RNF11: variants seen among roughly 807,000 people sequenced by gnomAD.
RNF11 encodes the protein ring finger protein 11.
A neutral mutation model predicts 15.8 loss-of-function variants in RNF11; 4 were observed. The ratio of observed to expected loss-of-function variants is 0.25; its 90% CI spans 0.12 to 0.58. The LOEUF (loss-of-function observed/expected upper bound fraction) is 0.58, where lower values mean the gene tolerates loss of function less well. Among genes scored for constraint, RNF11 ranks in the 20% least tolerant of loss-of-function variants. RNF11 has a pLI of 0.91. For missense variants in RNF11, 139 were observed against 194.4 expected, an observed-to-expected ratio of 0.71 and a Z score of 1.70; for synonymous variants, 68 against 72.3, an observed-to-expected ratio of 0.94 and a Z score of 0.30.
chr1:51,251,342 T>TCGGCCCCGGCCC, intron 1 of RNF11: 2 of 1,516,156 alleles, frequency 1.3e-6, no homozygotes, highest in South Asian at 1.2e-5. Context: ...CTCCGCGGCC[T>TCGGCCCCGGCCC]CGGCCCCGGC....
intron 1 of RNF11, among the ~76,000 whole-genome samples, chr1:51,261,954 A>T (rs1359175258): frequency 1.3e-5 from 2 of 152,084 alleles, no homozygotes; most frequent in Non-Finnish European, 2.9e-5. Context: ...TCTCCGGTTC[A>T]AGCGATTCTC....
At chr1:51,267,660 G>A (rs948925082) in intron 1 of RNF11, among the ~76,000 whole-genome samples, 64 of 152,192 alleles carry the variant, frequency 4.2e-4, no homozygotes, top group African/African-American at 1.5e-3. Flanking sequence ...ATTCTCAGAG[G>A]GGAAGCAGGT....
chr1:51,252,211 T>C (rs1187966988), intron 1 of RNF11, among the ~76,000 whole-genome samples: 1 of 152,172 alleles, frequency 6.6e-6, no homozygotes, highest in East Asian at 1.9e-4. Context: ...CAATATGTTA[T>C]ACATGTAACA....
Position 51,271,522 on chromosome 1 carries a change from A to G in RNF11, c.*200A>G. On this transcript the variant is annotated 3_prime_UTR_variant, in exon 3 of 3. Coordinates refer to ENST00000242719, the MANE Select transcript of RNF11 (RefSeq NM_014372.5). ...GTGGGAAAAGTAGGATGGTATTTTT[A>G]TGTAAAGCCTTGACCCAATGTTTAA... The G allele has an allele frequency of 2.0e-6, 1 of 511,574 alleles. No individual in the cohort carries two copies. Among genetic ancestry groups the G allele is most frequent in the Non-Finnish European group, 3.5e-6 (1 of 285,874 alleles). 31.7% of individuals were successfully genotyped at this position (511,574 alleles called of 1,614,324 possible).
chr1:51,262,732 T>TG lies in RNF11; in HGVS notation c.124-7224_124-7223insG, dbSNP rs1310857660. Among the ~76,000 whole-genome samples, 12 of 148,580 alleles carry TG rather than the reference T, an allele frequency of 8.1e-5. No homozygotes were observed. In the East Asian group the frequency reaches 1.7e-3, roughly 22 times the overall value. On this transcript the variant is annotated intron_variant, in intron 1 of 2. Coordinates refer to ENST00000242719, the MANE Select transcript of RNF11 (RefSeq NM_014372.5). ...CTGCTAATCTTTTTTTTTTTTTTTTTTTTTTTTGTATTTTTAGTAGAGACA... is the reference window on the plus strand; with the variant it reads ...CTGCTAATCTTTTTTTTTTTTTTTTTGTTTTTTTGTATTTTTAGTAGAGACA...
intron 1 of RNF11, among the ~76,000 whole-genome samples, chr1:51,244,690 T>C (rs1324694525): frequency 6.6e-6 from 1 of 152,190 alleles, no homozygotes; most frequent in African/African-American, 2.4e-5. Context: ...TGGTTTTGTG[T>C]TCCATGAAGT....
At chr1:51,255,851 T>C (rs895737670) in intron 1 of RNF11, among the ~76,000 whole-genome samples, 30 of 152,326 alleles carry the variant, frequency 2.0e-4, no homozygotes, top group African/African-American at 7.2e-4. Context: ...AGGCTAGTAC[T>C]GTACTGTAGC....
intron 1 of RNF11, among the ~76,000 whole-genome samples, chr1:51,239,976 A>C (rs1036962933): frequency 2.0e-5 from 3 of 152,158 alleles, no homozygotes; most frequent in Non-Finnish European, 4.4e-5. Flanking sequence ...GTTTGTAGGA[A>C]GTGTATATTT....
At chr1:51,251,699 A>T (rs1403997253) in intron 1 of RNF11, among the ~76,000 whole-genome samples, 2 of 152,116 alleles carry the variant, frequency 1.3e-5, no homozygotes, top group Admixed American at 6.6e-5. Flanking sequence ...CACCTTTGGG[A>T]GGCCGAGGCA....
intron 1 of RNF11, among the ~76,000 whole-genome samples, chr1:51,245,220 T>A (rs1646846419): frequency 6.6e-6 from 1 of 152,036 alleles, no homozygotes; most frequent in Non-Finnish European, 1.5e-5. Context: ...CCACTTTGCC[T>A]GGCTAATTTT....
At chr1:51,251,888 G>A (rs1389872350) in intron 1 of RNF11, among the ~76,000 whole-genome samples, 3 of 152,084 alleles carry the variant, frequency 2.0e-5, no homozygotes, top group African/African-American at 7.2e-5. Flanking sequence ...CGACGAGCCT[G>A]GCCAACATGG....
chr1:51,266,732 G>A (rs903767820), intron 1 of RNF11, among the ~76,000 whole-genome samples: 1 of 152,134 alleles, frequency 6.6e-6, no homozygotes, highest in African/African-American at 2.4e-5. Flanking sequence ...CAAACTGCAA[G>A]GATTACAGGC....
chr1:51,250,472 T>A (rs540012386), intron 1 of RNF11: 1 of 461,170 alleles, frequency 2.2e-6, no homozygotes, highest in African/African-American at 2.0e-5. Context: ...CAACATAGAG[T>A]TGAATAGCGT....
At chr1:51,236,901 G>A (rs1646806187) in intron 1 of RNF11, 22 bp downstream of exon 1, 2 of 1,598,662 alleles carry the variant, frequency 1.3e-6, no homozygotes, top group African/African-American at 1.3e-5. Flanking sequence ...TGTGTGTTGG[G>A]GGGAGCGAGT....
intron 1 of RNF11, chr1:51,251,389 T>A (rs1646877486): frequency 2.8e-6 from 4 of 1,412,078 alleles, no homozygotes; most frequent in Non-Finnish European, 3.9e-6. Flanking sequence ...CGGATGCCAC[T>A]GCCGAAACCT....
Position 51,236,875 on chromosome 1 carries a change from A to G in RNF11, c.119A>G (p.Tyr40Cys). The G allele has an allele frequency of 6.2e-7, 1 of 1,611,830 alleles. No homozygotes were observed. Among genetic ancestry groups the G allele is most frequent in the South Asian group, 1.1e-5 (1 of 90,776 alleles). ...CCGGATCAGGAGCCGCCGCCGCCAT[A>G]TCAGGTAGGGGAGGGTGTGTGTTGG... Reference protein sequence around the residue: ...TEPDQEPPPPYQEQVPVPVYH... With the variant: ...TEPDQEPPPPCQEQVPVPVYH... The change falls in exon 1 of 3, where the codon TAT (tyrosine) becomes TGT (cysteine). Residue 40 changes from tyrosine to cysteine, a missense_variant. By Grantham distance (194) the Tyr-to-Cys change is radical (BLOSUM62 -2). Coordinates refer to ENST00000242719, the MANE Select transcript of RNF11 (RefSeq NM_014372.5).
At chr1:51,267,145 G>A (rs541083236) in intron 1 of RNF11, among the ~76,000 whole-genome samples, 20 of 152,316 alleles carry the variant, frequency 1.3e-4, no homozygotes, top group African/African-American at 4.6e-4. Flanking sequence ...AGGCTGCAGT[G>A]GGAGGATTAC....
At chr1:51,244,158 C>T (rs1042648817) in intron 1 of RNF11, among the ~76,000 whole-genome samples, 6 of 152,186 alleles carry the variant, frequency 3.9e-5, no homozygotes, top group African/African-American at 1.2e-4. Context: ...AAGTCTGGTT[C>T]ATTTTCACAT....
intron 1 of RNF11, among the ~76,000 whole-genome samples, chr1:51,240,826 T>G (rs141511307): frequency 6.6e-6 from 1 of 152,120 alleles, no homozygotes; most frequent in East Asian, 1.9e-4. Flanking sequence ...TATGTTTGGG[T>G]TTTTTTGTTT....
Sources: allele counts gnomAD v4.1 joint callset (sites outside exome capture counted in the v4.1 genomes callset), GRCh38; gene constraint gnomAD v4.1.1; transcripts MANE v1.5; gene names NCBI Gene and HGNC (gene_info 2026-07-23, HGNC 2026-07-21).